Variants in KCNMB4 observed in about 807,000 individuals in gnomAD.
The protein encoded by KCNMB4 is calcium-activated potassium channel subunit beta-4.
In KCNMB4, 3 loss-of-function variants were observed where a neutral mutation model predicts 20.7. The observed-to-expected ratio is 0.14, with a 90% CI of 0.07 to 0.37. The LOEUF (loss-of-function observed/expected upper bound fraction) is 0.37. KCNMB4 is among the 10% of genes least tolerant of loss of function. The pLI, the probability that KCNMB4 is intolerant of heterozygous loss-of-function variation, is 1.00. For synonymous variants in KCNMB4, 110 were observed against 113.4 expected (o/e 0.97, Z 0.19); for missense variants, 168 against 265.9 (o/e 0.63, Z 2.56).
At chr12:70,422,149 A>T (rs961587148) in intron 2 of KCNMB4, among the ~76,000 whole-genome samples, 2 of 152,222 alleles carry the variant, frequency 1.3e-5, no homozygotes, top group Non-Finnish European at 2.9e-5. Context: ...CTATTATAAG[A>T]ATAATCTGTC....
intron 2 of KCNMB4, among the ~76,000 whole-genome samples, chr12:70,406,919 CA>C (rs1868619658): frequency 6.6e-6 from 1 of 152,194 alleles, no homozygotes; most frequent in African/African-American, 2.4e-5. Flanking sequence ...TGTACTCTCG[CA>C]ACAATTCTGA....
chr12:70,377,203 C>A (rs757417702), intron 1 of KCNMB4, among the ~76,000 whole-genome samples: 2 of 151,960 alleles, frequency 1.3e-5, no homozygotes, highest in African/African-American at 2.4e-5. Context: ...TGCAAGAGAA[C>A]CATAATAAAC....
At chr12:70,397,114 C>G (rs1593334261) in intron 1 of KCNMB4, among the ~76,000 whole-genome samples, 1 of 152,228 alleles carries the variant, frequency 6.6e-6, no homozygotes, top group East Asian at 1.9e-4. Context: ...CCCCAGCACT[C>G]TTAGAGGCCA....
intron 1 of KCNMB4, among the ~76,000 whole-genome samples, chr12:70,381,788 AATTG>A (rs1883791126): frequency 6.6e-6 from 1 of 152,310 alleles, no homozygotes; most frequent in Non-Finnish European, 1.5e-5. Context: ...AACATTCTAA[AATTG>A]ATTGTGATGA....
At chr12:70,417,965 T>C (rs898853747) in intron 2 of KCNMB4, among the ~76,000 whole-genome samples, 2 of 152,210 alleles carry the variant, frequency 1.3e-5, no homozygotes, top group African/African-American at 4.8e-5. Flanking sequence ...CTAGCCCGTG[T>C]TGCTATGCCC....
intron 2 of KCNMB4, among the ~76,000 whole-genome samples, chr12:70,407,203 A>T (rs1019673510): frequency 6.6e-6 from 1 of 152,104 alleles, no homozygotes; most frequent in African/African-American, 2.4e-5. Flanking sequence ...ACTACTTACT[A>T]TTCCAGTTTA....
At chr12:70,374,908 A>T (rs1046077352) in intron 1 of KCNMB4, among the ~76,000 whole-genome samples, 21 of 152,222 alleles carry the variant, frequency 1.4e-4, no homozygotes, top group Admixed American at 1.1e-3. Flanking sequence ...GTAAAAATTT[A>T]GTCCATTTTG....
At chr12:70,420,371 T>G (rs972041321) in intron 2 of KCNMB4, among the ~76,000 whole-genome samples, 6 of 152,148 alleles carry the variant, frequency 3.9e-5, no homozygotes, top group Non-Finnish European at 2.9e-5. Context: ...CTGGATTGCC[T>G]GAGTGTGCCC....
intron 1 of KCNMB4, among the ~76,000 whole-genome samples, chr12:70,382,302 G>T (rs922563163): frequency 6.6e-6 from 1 of 151,088 alleles, no homozygotes; most frequent in African/African-American, 2.4e-5. Flanking sequence ...GCGCAGTGGC[G>T]GGCGCCTGTA....
intron 1 of KCNMB4, among the ~76,000 whole-genome samples, chr12:70,380,537 A>G (rs1287905179): frequency 2.0e-5 from 3 of 152,146 alleles, no homozygotes; most frequent in South Asian, 2.1e-4. Flanking sequence ...GCAAAACACA[A>G]TAAAGCAAGC....
intron 2 of KCNMB4, among the ~76,000 whole-genome samples, chr12:70,425,264 G>A (rs569508521): frequency 5.9e-5 from 9 of 151,772 alleles, no homozygotes; most frequent in South Asian, 2.1e-4. Flanking sequence ...GTGAAACCCC[G>A]TCTCTACTAA....
chr12:70,417,176 G>A (rs571096008), intron 2 of KCNMB4, among the ~76,000 whole-genome samples: 3 of 152,296 alleles, frequency 2.0e-5, no homozygotes, highest in Admixed American at 6.5e-5. Context: ...AGACTTTAAC[G>A]ACAATTTCCT....
intron 1 of KCNMB4, among the ~76,000 whole-genome samples, chr12:70,377,507 G>A (rs1374057014): frequency 6.6e-6 from 1 of 152,196 alleles, no homozygotes; most frequent in African/African-American, 2.4e-5. Context: ...GCGGGTGGAG[G>A]ATCATGCCTC....
chr12:70,428,762 G>A (rs1436287561), intron 2 of KCNMB4, among the ~76,000 whole-genome samples: 1 of 152,102 alleles, frequency 6.6e-6, no homozygotes, highest in African/African-American at 2.4e-5. Context: ...GCCCTAATGG[G>A]CCTTACAGAA....
chr12:70,367,970 TA>T (rs1480661722), intron 1 of KCNMB4, among the ~76,000 whole-genome samples: 3 of 152,148 alleles, frequency 2.0e-5, no homozygotes, highest in African/African-American at 7.2e-5. Context: ...AAATAACTTA[TA>T]AAAAGCAGTG....
chr12:70,375,935 T>C (rs1461230421), intron 1 of KCNMB4, among the ~76,000 whole-genome samples: 2 of 152,158 alleles, frequency 1.3e-5, no homozygotes, highest in African/African-American at 4.8e-5. Context: ...ATCATAGTAA[T>C]AGAATGAGCT....
intron 2 of KCNMB4, among the ~76,000 whole-genome samples, chr12:70,425,272 TA>T (rs1490268500): frequency 1.3e-5 from 2 of 151,390 alleles, no homozygotes; most frequent in African/African-American, 4.9e-5. Flanking sequence ...CCGTCTCTAC[TA>T]AAAACACAAA....
At chr12:70,371,149 G>A (rs1013160963) in intron 1 of KCNMB4, among the ~76,000 whole-genome samples, 2 of 152,138 alleles carry the variant, frequency 1.3e-5, no homozygotes, top group Non-Finnish European at 2.9e-5. Flanking sequence ...GAGCCAACAC[G>A]CCCGGTCTAT....
At chr12:70,416,031 C>T (rs1053264218) in intron 2 of KCNMB4, among the ~76,000 whole-genome samples, 2 of 152,162 alleles carry the variant, frequency 1.3e-5, no homozygotes, top group African/African-American at 4.8e-5. Flanking sequence ...CATCTCTAAA[C>T]TTTTTTGTGC....
Sources: gnomAD v4.1 joint callset for allele counts (sites outside exome capture counted in the v4.1 genomes callset) on GRCh38, gnomAD v4.1.1 for gene constraint, MANE v1.5 for transcripts, NCBI Gene and HGNC (gene_info 2026-07-23, HGNC 2026-07-21) for gene names.